SAMD12: variants seen among roughly 807,000 people sequenced by gnomAD.
The protein encoded by SAMD12 is sterile alpha motif domain-containing protein 12.
Under a neutral mutation model 15.0 loss-of-function variants are expected in SAMD12, and 9 were observed. The ratio of observed to expected loss-of-function variants is 0.60; its 90% CI spans 0.36 to 1.05. SAMD12 has a LOEUF of 1.05. Among genes scored for constraint, SAMD12 ranks in the 50% least tolerant of loss-of-function variants. The probability of loss-of-function intolerance (pLI) is 0.01; values close to 1 mark genes in which losing one functional copy is unlikely to be tolerated. For missense variants in SAMD12, 230 were observed against 234.2 expected (o/e 0.98, Z 0.12); for synonymous variants, 86 against 90.1 (o/e 0.96, Z 0.25).
intron 4 of SAMD12, among the ~76,000 whole-genome samples, chr8:118,333,985 G>A (rs1816935142): frequency 6.6e-6 from 1 of 151,796 alleles, no homozygotes; most frequent in African/African-American, 2.4e-5. Context: ...CTGTGTGTGT[G>A]TGTGTGTGTG....
At chr8:118,532,890 C>G (rs1586793613) in intron 2 of SAMD12, among the ~76,000 whole-genome samples, 1 of 152,042 alleles carries the variant, frequency 6.6e-6, no homozygotes, top group African/African-American at 2.4e-5. Context: ...AAAAAACCAG[C>G]TCCTGGATTC....
chr8:118,378,313 TATC>T lies in SAMD12; in HGVS notation c.*1101_*1103del, dbSNP rs1428120939. The T allele has an allele frequency of 1.2e-6, 1 of 832,272 alleles. No homozygotes were observed. The highest frequency in any genetic ancestry group is 1.9e-5 in the African/African-American group (1 of 54,052). 51.6% of individuals were successfully genotyped at this position (832,272 alleles called of 1,614,324 possible). A position where few individuals can be genotyped will look rare whatever the true frequency, so the allele number is the denominator to read the frequency against. ...CAAATAGCACTGTGACAGACTTTCT[TATC>T]ATAATCTTCGTATTTCTATCTACTT... is the stretch of plus-strand genomic sequence containing the variant. On this transcript the variant is annotated 3_prime_UTR_variant, in exon 4 of 4. Transcript: ENST00000314727.
chr8:118,363,924 C>T (rs2130648160), intron 4 of SAMD12, among the ~76,000 whole-genome samples: 1 of 152,244 alleles, frequency 6.6e-6, no homozygotes, highest in East Asian at 1.9e-4. Flanking sequence ...TACACAGGTC[C>T]ACAATCAGTA....
At chr8:118,178,058 G>C in the SAMD12 span, among the ~76,000 whole-genome samples, 1 of 152,224 alleles carries the variant, frequency 6.6e-6, no homozygotes, top group Non-Finnish European at 1.5e-5. Flanking sequence ...CAGCAGTTTA[G>C]TTTTGGCTAT....
At chr8:118,592,816 G>C (rs189383906) in intron 1 of SAMD12, among the ~76,000 whole-genome samples, 33 of 152,272 alleles carry the variant, frequency 2.2e-4, no homozygotes, top group Admixed American at 1.4e-3. Flanking sequence ...GTCAGACACA[G>C]GCTTCAGGGA....
intron 2 of SAMD12, among the ~76,000 whole-genome samples, chr8:118,548,866 C>G (rs938156573): frequency 2.0e-5 from 3 of 152,214 alleles, no homozygotes; most frequent in East Asian, 3.9e-4. Flanking sequence ...TGGTGCACCA[C>G]GAGATTATAT....
intron 1 of SAMD12, among the ~76,000 whole-genome samples, chr8:118,617,853 T>G (rs1011603010): frequency 6.6e-6 from 1 of 152,106 alleles, no homozygotes; most frequent in Non-Finnish European, 1.5e-5. Flanking sequence ...TGAATCCACA[T>G]TTTTCTTCTC....
chr8:118,586,319 A>G (rs558482370), intron 1 of SAMD12, among the ~76,000 whole-genome samples: 13 of 152,108 alleles, frequency 8.5e-5, no homozygotes, highest in African/African-American at 2.7e-4. Context: ...CTTAAGCAAT[A>G]AAAACACTTC....
chr8:118,289,840 A>G (rs1346354388), intron 4 of SAMD12, among the ~76,000 whole-genome samples: 1 of 152,228 alleles, frequency 6.6e-6, no homozygotes, highest in Non-Finnish European at 1.5e-5. Flanking sequence ...CATTTGAGTT[A>G]CCTGCCAGCT....
intron 4 of SAMD12, among the ~76,000 whole-genome samples, chr8:118,296,004 T>C (rs920186374): frequency 1.3e-5 from 2 of 152,148 alleles, no homozygotes; most frequent in East Asian, 1.9e-4. Flanking sequence ...CAGTAAAATA[T>C]AGGATCCAGA....
At chr8:118,505,514 C>G (rs2131051372) in intron 2 of SAMD12, among the ~76,000 whole-genome samples, 1 of 152,108 alleles carries the variant, frequency 6.6e-6, no homozygotes, top group Non-Finnish European at 1.5e-5. Context: ...TCACCTTTGG[C>G]TCTTGGGTCT....
chr8:118,583,807 C>T (rs1827356252), intron 1 of SAMD12, among the ~76,000 whole-genome samples: 1 of 152,178 alleles, frequency 6.6e-6, no homozygotes, highest in South Asian at 2.1e-4. Flanking sequence ...CATGCACAGT[C>T]CCCTGGTGCT....
rs191648223 is a variant in SAMD12 at position 118,328,570 on chromosome 8, G to A, written c.433+50990C>T. ...GATATCCTGGCCCAGCACATAGGAG[G>A]TACGCAACAAAAATATGATGAATGA... is the stretch of plus-strand genomic sequence containing the variant. On this transcript the variant is annotated intron_variant, in intron 4 of 4. Transcript: ENST00000409003. Among the ~76,000 whole-genome samples, 8 of 152,266 alleles carry A rather than the reference G, an allele frequency of 5.3e-5. No homozygotes were observed. The East Asian group carries it at 1.5e-3, about 29-fold the overall frequency.
chr8:118,377,305 G>A (rs145691874), downstream of SAMD12, among the ~76,000 whole-genome samples: 821 of 152,170 alleles, frequency 5.4e-3, 7 homozygotes, highest in African/African-American at 0.019. Flanking sequence ...GGCTGAGACA[G>A]GAGAATCACT....
chr8:118,231,484 T>C (rs1812309189), intron 4 of SAMD12, among the ~76,000 whole-genome samples: 1 of 152,198 alleles, frequency 6.6e-6, no homozygotes, highest in African/African-American at 2.4e-5. Context: ...ATTCAACTAG[T>C]GAACAATAAA....
chr8:118,259,797 T>C (rs944400060), intron 4 of SAMD12, among the ~76,000 whole-genome samples: 5 of 152,122 alleles, frequency 3.3e-5, no homozygotes, highest in Non-Finnish European at 5.9e-5. Flanking sequence ...CTCCCCACTT[T>C]GTACCTGTTT....
intron 3 of SAMD12, among the ~76,000 whole-genome samples, chr8:118,404,464 TAG>T (rs1821028473): frequency 6.6e-6 from 1 of 152,242 alleles, no homozygotes; most frequent in African/African-American, 2.4e-5. Context: ...TTTGATGTGA[TAG>T]GTGGTTGAAA....
chr8:118,399,648 A>G (rs1206911164), intron 3 of SAMD12, among the ~76,000 whole-genome samples: 2 of 152,036 alleles, frequency 1.3e-5, no homozygotes, highest in Non-Finnish European at 2.9e-5. Context: ...TCACAGCCCA[A>G]CTTCTTCTGC....
At chr8:118,520,616 T>C (rs1180317512) in intron 2 of SAMD12, among the ~76,000 whole-genome samples, 1 of 152,162 alleles carries the variant, frequency 6.6e-6, no homozygotes, top group Non-Finnish European at 1.5e-5. Context: ...GGCAGAATAT[T>C]AAGAGATAAA....
Sources: allele counts gnomAD v4.1 joint callset (sites outside exome capture counted in the v4.1 genomes callset), GRCh38; gene constraint gnomAD v4.1.1; transcripts MANE v1.5; gene names NCBI Gene and HGNC (gene_info 2026-07-23, HGNC 2026-07-21).